Variants in TOPAZ1 observed in about 807,000 individuals in gnomAD.
The protein encoded by TOPAZ1 is testis and ovary specific TOPAZ 1, also known as protein TOPAZ1.
TOPAZ1 carries 66 observed loss-of-function variants against 172.2 expected under a neutral mutation model. The ratio of observed to expected loss-of-function variants is 0.38; its 90% CI spans 0.31 to 0.47. TOPAZ1 has a LOEUF of 0.47. TOPAZ1 is among the 20% of genes least tolerant of loss of function. The pLI, the probability that TOPAZ1 is intolerant of heterozygous loss-of-function variation, is 0.99. For synonymous variants in TOPAZ1, 681 were observed against 683.9 expected (o/e 1.00, Z 0.07); for missense variants, 1,822 against 1,972.4 (o/e 0.92, Z 1.44).
intron 12 of TOPAZ1, among the ~76,000 whole-genome samples, chr3:44,295,392 AATTT>A (rs1700184285): frequency 6.6e-6 from 1 of 152,158 alleles, no homozygotes; most frequent in Non-Finnish European, 1.5e-5. Context: ...TTTCTCTATG[AATTT>A]ATTTAGAGTG....
At chr3:44,310,084 T>A in intron 16 of TOPAZ1, 94 bp downstream of exon 16, 1 of 1,206,844 alleles carries the variant, frequency 8.3e-7, no homozygotes, top group Non-Finnish European at 1.1e-6. Context: ...TGAACTGTGG[T>A]TAATAGTTTG....
intron 8 of TOPAZ1, among the ~76,000 whole-genome samples, chr3:44,276,285 C>G (rs1476051980): frequency 6.6e-6 from 1 of 152,084 alleles, no homozygotes; most frequent in Non-Finnish European, 1.5e-5. Context: ...CCTATAGTAT[C>G]TCCCCTATGT....
At chr3:44,280,635 C>T (rs1376544407) in intron 8 of TOPAZ1, among the ~76,000 whole-genome samples, 1 of 152,198 alleles carries the variant, frequency 6.6e-6, no homozygotes, top group East Asian at 1.9e-4. Context: ...AGCTGCTGTA[C>T]CCAGCCTGTT....
intron 11 of TOPAZ1, 33 bp from the exon 12 acceptor site, chr3:44,290,738 A>G (rs1436548776): frequency 7.2e-7 from 1 of 1,386,000 alleles, no homozygotes; most frequent in East Asian, 2.5e-5. Context: ...ACATTTTTGT[A>G]AGAATAACCA....
chr3:44,245,631 G>T (rs1486517749), intron 2 of TOPAZ1, among the ~76,000 whole-genome samples: 1 of 142,884 alleles, frequency 7.0e-6, no homozygotes, highest in African/African-American at 2.6e-5. Flanking sequence ...CTGCCTCCCA[G>T]GTTCACCCCA....
Position 44,254,988 on chromosome 3 carries a change from G to A in TOPAZ1, c.2786G>A (p.Cys929Tyr), listed in dbSNP as rs1442702986. The change falls in exon 3 of 20, where the codon TGT (cysteine) becomes TAT (tyrosine). Residue 929 changes from cysteine (C) to tyrosine (Y), a missense_variant. Around this residue, in one of 2 missense-constraint regions of TOPAZ1, gnomAD observed 1,489 missense variants for 1,490.8 expected, o/e 1.00. Coordinates refer to ENST00000309765, the MANE Select transcript of TOPAZ1 (RefSeq NM_001145030.2). ...AATAGAGAACTTCCTGTACTGGACT[G>A]TGGATGGATAAAGCCAGACATCTGT... ...DDLRELPVLD[C>Y]GWIKPDICAS... 1.3e-6 allele frequency: 2 copies of A among 1,551,510 alleles called. No individual in the cohort carries two copies. The highest frequency in any genetic ancestry group is 1.7e-6 in the Non-Finnish European group (2 of 1,146,748).
chr3:44,307,970 T>A (rs973253033), intron 15 of TOPAZ1, among the ~76,000 whole-genome samples: 16 of 152,148 alleles, frequency 1.1e-4, no homozygotes, highest in African/African-American at 3.9e-4. Context: ...AACAAGAAGA[T>A]CCTTTATAAA....
chr3:44,303,970 T>C, intron 12 of TOPAZ1, 45 bp from the exon 13 acceptor site: 1 of 1,199,498 alleles, frequency 8.3e-7, no homozygotes, highest in Non-Finnish European at 1.2e-6. Flanking sequence ...GCAGTGACTT[T>C]TAAGGGGTGA....
At chr3:44,242,687 A>T (rs995641610) in intron 1 of TOPAZ1, among the ~76,000 whole-genome samples, 166 bp from the exon 2 acceptor site, 9 of 152,224 alleles carry the variant, frequency 5.9e-5, no homozygotes, top group African/African-American at 2.2e-4. Context: ...GTTTATATGT[A>T]ATTCCTTAAC....
Position 44,287,452 on chromosome 3 carries a change from T to A in TOPAZ1, c.3500T>A (p.Leu1167Gln), listed in dbSNP as rs1700092288. 1 of 1,528,856 alleles carries A rather than the reference T, an allele frequency of 6.5e-7. No homozygotes were observed. Among genetic ancestry groups the A allele is most frequent in the South Asian group, 1.3e-5 (1 of 79,362 alleles). 94.7% of individuals were successfully genotyped at this position (1,528,856 alleles called of 1,614,324 possible). A position where few individuals can be genotyped will look rare whatever the true frequency, so the allele number is the denominator to read the frequency against. ...GGTGTATACTTTGATTTACAAGTGCTAAATGACCTTCTAAATTCTTTACTC... is the reference window on the plus strand; with the variant it reads ...GGTGTATACTTTGATTTACAAGTGCAAAATGACCTTCTAAATTCTTTACTC... ...PPGVYFDLQV[L>Q]NDLLNSLLKH... The change falls in exon 10 of 20, where the codon CTA becomes CAA. Residue 1167 changes from leucine to glutamine, a missense_variant. Leu to Gln is a moderately radical substitution (Grantham distance 113). Around this residue, in one of 2 missense-constraint regions of TOPAZ1, gnomAD observed 1,489 missense variants for 1,490.8 expected, o/e 1.00. Coordinates refer to ENST00000309765, the MANE Select transcript of TOPAZ1 (RefSeq NM_001145030.2).
In TOPAZ1 at chr3:44,305,143, A is replaced by T. The variant is rs774894170; in HGVS notation, c.3865-4A>T. On this transcript the variant is annotated splice_polypyrimidine_tract_variant and splice_region_variant and intron_variant, in intron 13 of 19. Transcript: ENST00000309765. ...TTTTGTTTTGTTTTTAATAATTTTGATAGCATTGTAAAGAAAAAGGTGACT... is the reference window on the plus strand; with the variant it reads ...TTTTGTTTTGTTTTTAATAATTTTGTTAGCATTGTAAAGAAAAAGGTGACT... The T allele has an allele frequency of 1.3e-5, 20 of 1,487,830 alleles. No homozygotes were observed. The highest frequency in any genetic ancestry group is 1.7e-5 in the Non-Finnish European group (19 of 1,117,294). 92.2% of individuals were successfully genotyped at this position (1,487,830 alleles called of 1,614,324 possible).
chr3:44,242,180 T>TC lies in TOPAZ1; in HGVS notation c.127_128insC (p.Cys43SerfsTer5), dbSNP rs1244955155. The TC allele has an allele frequency of 4.5e-6, 7 of 1,541,522 alleles. No homozygotes were observed. Among genetic ancestry groups the TC allele is most frequent in the Non-Finnish European group, 6.1e-6 (7 of 1,144,598 alleles). On this transcript the variant is annotated frameshift_variant, in exon 1 of 20. Transcript: ENST00000309765. LOFTEE classifies it high-confidence loss of function. ...AGGCTGTGGCCCTGAGGCCGGGGGG[T>TC]GCCGGGAAAATAAGCAAAAGAGGAG... is the stretch of plus-strand genomic sequence containing the variant.
chr3:44,315,117 A>G (rs1260562936), intron 16 of TOPAZ1, among the ~76,000 whole-genome samples: 3 of 151,696 alleles, frequency 2.0e-5, no homozygotes, highest in Non-Finnish European at 4.4e-5. Context: ...GGATGGATGG[A>G]TGGATGGATG....
chr3:44,299,813 G>A (rs1264306082), intron 12 of TOPAZ1, among the ~76,000 whole-genome samples: 28 of 149,638 alleles, frequency 1.9e-4, no homozygotes, highest in Middle Eastern at 3.4e-3. Flanking sequence ...GGACATGGAT[G>A]AAATTGGAAA....
At chr3:44,321,243 A>G (rs1700503373) in intron 17 of TOPAZ1, 52 bp downstream of exon 17, 1 of 1,289,792 alleles carries the variant, frequency 7.8e-7, no homozygotes, top group African/African-American at 1.5e-5. Context: ...CTGGTGTTTA[A>G]CTGTTAATAA....
chr3:44,271,922 C>A (rs540877400), intron 8 of TOPAZ1, among the ~76,000 whole-genome samples: 1 of 152,266 alleles, frequency 6.6e-6, no homozygotes, highest in South Asian at 2.1e-4. Context: ...CCACCCTCCA[C>A]CCCTGTCCTC....
At chr3:44,309,777 G>GAATAAAATCA (rs1700377881) in intron 15 of TOPAZ1, 48 bp from the exon 16 acceptor site, 1 of 1,296,368 alleles carries the variant, frequency 7.7e-7, no homozygotes, top group African/African-American at 1.5e-5. Flanking sequence ...GGCTTTGTGT[G>GAATAAAATCA]TTTGTAAATG....
intron 16 of TOPAZ1, among the ~76,000 whole-genome samples, chr3:44,310,809 T>C (rs1700389994): frequency 6.6e-6 from 1 of 152,204 alleles, no homozygotes; most frequent in South Asian, 2.1e-4. Flanking sequence ...CAAACATGAC[T>C]TCAAACCAAG....
chr3:44,287,550 C>A lies in TOPAZ1; in HGVS notation c.3588+10C>A. 1 of 1,439,094 alleles carries A rather than the reference C, an allele frequency of 6.9e-7. No homozygotes were observed. The highest frequency in any genetic ancestry group is 9.2e-7 in the Non-Finnish European group (1 of 1,088,050). The allele number at this position is 1,439,094 out of a possible 1,614,324, so 89.1% of individuals were successfully genotyped here. On this transcript the variant is annotated intron_variant, in intron 10 of 19. Coordinates refer to ENST00000309765, the MANE Select transcript of TOPAZ1 (RefSeq NM_001145030.2). ...AATGGTTAAAATGCTGGTAAGTAGC[C>A]TGAAAATATATGTTATTTTAATATT...
Sources: gnomAD v4.1 joint callset for allele counts (sites outside exome capture counted in the v4.1 genomes callset) on GRCh38, gnomAD v4.1.1 for gene constraint, gnomAD v4.1.1 regional missense constraint, MANE v1.5 for transcripts, NCBI Gene and HGNC (gene_info 2026-07-23, HGNC 2026-07-21) for gene names.